CEP78: variants seen among roughly 807,000 people sequenced by gnomAD.
The protein encoded by CEP78 is centrosomal protein of 78 kDa.
Under a neutral mutation model 81.2 loss-of-function variants are expected in CEP78, and 76 were observed. The observed-to-expected ratio is 0.94, with a 90% CI of 0.78 to 1.13. The LOEUF is 1.13. CEP78 is among the 50% of genes most tolerant of loss of function. The pLI is 0.00. For synonymous variants in CEP78, 293 were observed against 301.4 expected (o/e 0.97, Z 0.29); for missense variants, 918 against 846.8 (o/e 1.08, Z -1.04).
rs1827812982 is a variant in CEP78, at chr9:78,276,749, A to ATC, written c.*5900_*5901dup. On this transcript the variant is annotated 3_prime_UTR_variant, in exon 17 of 17. Transcript: ENST00000643273. Reference sequence around the variant, plus strand: ...AAGGCCTATATAAATAAAAGGATAAATCTATGCTAGAGGGTATAAAAGAAA... The same window carrying ATC: ...AAGGCCTATATAAATAAAAGGATAAATCTCTATGCTAGAGGGTATAAAAGAAA... 6.6e-6 allele frequency: 1 copy of ATC among 152,206 alleles called. No individual in the cohort carries two copies. The highest frequency in any genetic ancestry group is 1.5e-5 in the Non-Finnish European group (1 of 68,030). 9.4% of individuals were successfully genotyped at this position (152,206 alleles called of 1,614,324 possible). A position where few individuals can be genotyped will look rare whatever the true frequency, so the allele number is the denominator to read the frequency against.
rs759284886 is a variant in CEP78 at position 78,265,503 on chromosome 9, A to G, written c.1757A>G (p.Glu586Gly). 5 of 1,581,588 alleles carry G rather than the reference A, an allele frequency of 3.2e-6. No homozygotes were observed. The highest frequency in any genetic ancestry group is 4.3e-6 in the Non-Finnish European group (5 of 1,163,196). Residue 586 changes from glutamate to glycine, a missense_variant, in exon 14 of 17, where the codon GAA (glutamate) becomes GGA (glycine). By Grantham distance (98) the Glu-to-Gly change is moderately conservative. Transcript: ENST00000643273. ...AAGGCGCTTGAAGATGAAAAACCAG[A>G]ACCGAAGCAGAATGCCCTAGGGCAA... ...EKKALEDEKP[E>G]PKQNALGQMQ...
chr9:78,238,331 G>A (rs998872707), intron 1 of CEP78, among the ~76,000 whole-genome samples: 2 of 152,158 alleles, frequency 1.3e-5, no homozygotes, highest in African/African-American at 2.4e-5. Flanking sequence ...TGTCTTTAAT[G>A]TTTTAAGAGG....
At chr9:78,250,735 G>T (rs1321540865) in intron 8 of CEP78, among the ~76,000 whole-genome samples, 1 of 151,882 alleles carries the variant, frequency 6.6e-6, no homozygotes, top group Non-Finnish European at 1.5e-5. Context: ...CGAGACTCTT[G>T]TCTCCAAAGA....
At chr9:78,242,391 T>G (rs4877148) in intron 4 of CEP78, among the ~76,000 whole-genome samples, 92,534 of 152,030 alleles carry the variant, frequency 0.61, 28,644 homozygotes, top group African/African-American at 0.7. Context: ...TAATGGTTAC[T>G]CATGTGGATT....
chr9:78,248,041 A>G (rs928693931), intron 6 of CEP78, among the ~76,000 whole-genome samples: 7 of 152,202 alleles, frequency 4.6e-5, no homozygotes, highest in Admixed American at 1.3e-4. Flanking sequence ...CTTTAGTTCC[A>G]AAGTGTTTAC....
intron 1 of CEP78, among the ~76,000 whole-genome samples, chr9:78,237,247 C>G (rs970469368): frequency 1.3e-5 from 2 of 152,008 alleles, no homozygotes; most frequent in African/African-American, 4.8e-5. Context: ...TTCCAAAGTG[C>G]TGGGATTACA....
At chr9:78,253,066 A>G (rs145992327) in intron 9 of CEP78, among the ~76,000 whole-genome samples, 166 bp from the exon 10 acceptor site, 1 of 152,252 alleles carries the variant, frequency 6.6e-6, no homozygotes, top group African/African-American at 2.4e-5. Flanking sequence ...TAAATTGTTC[A>G]ATTTTCTCCA....
intron 11 of CEP78, among the ~76,000 whole-genome samples, chr9:78,260,706 C>CAAA (rs1204270796): frequency 1.1e-3 from 58 of 53,092 alleles, no homozygotes; most frequent in African/African-American, 3.2e-3. Flanking sequence ...GACTCCATCT[C>CAAA]AAAAAAAAAA....
chr9:78,242,730 T>G (rs1349243501), intron 4 of CEP78, among the ~76,000 whole-genome samples: 3 of 152,196 alleles, frequency 2.0e-5, no homozygotes, highest in Admixed American at 6.5e-5. Context: ...TTTTTTTCTC[T>G]TAAAATCAGT....
chr9:78,257,363 G>C lies in CEP78; in HGVS notation c.1380+2399G>C, dbSNP rs191628369. On this transcript the variant is annotated intron_variant, in intron 11 of 16. Coordinates refer to ENST00000643273, the MANE Select transcript of CEP78 (RefSeq NM_001330691.3). ...CCAGCCAAACTGTCAATCTAAGTGG[G>C]GGCTGAATAGGACATTTTGGACCTC... is the stretch of plus-strand genomic sequence containing the variant. Among the ~76,000 whole-genome samples, 283 of 152,222 alleles carry C rather than the reference G, an allele frequency of 1.9e-3. 2 individuals carry two copies. The highest frequency in any genetic ancestry group is 6.3e-3 in the African/African-American group (262 of 41,530).
In CEP78 at chr9:78,266,539, A is replaced by C. The variant is rs371636739; in HGVS notation, c.1943A>C (p.Asn648Thr). 4 of 1,613,776 alleles carry C rather than the reference A, an allele frequency of 2.5e-6. No individual in the cohort carries two copies. The African/African-American group carries it at 5.3e-5, about 22-fold the overall frequency. The part of the protein sequence containing the change: ...TPEGLGTSSN[N>T]LGVPATEQRQ... Reference sequence around the variant, plus strand: ...GAGGGCTTAGGAACTTCCAGCAACAACCTAGGAGTCCCAGCTACTGAGCAG... The same window carrying C: ...GAGGGCTTAGGAACTTCCAGCAACACCCTAGGAGTCCCAGCTACTGAGCAG... The change falls in exon 16 of 17, where the codon AAC becomes ACC. Residue 648 changes from asparagine (N) to threonine (T), a missense_variant. Asn to Thr is a moderately conservative substitution (Grantham distance 65). Coordinates refer to ENST00000643273, the MANE Select transcript of CEP78 (RefSeq NM_001330691.3).
In CEP78 at chr9:78,236,194, T is replaced by TG; in HGVS notation, c.-156dup. ...CCGGCCTAGCTTGGGGCTCTGGCCT[T>TG]GCGTCTTCCGACCGAATCACCGCTC... On this transcript the variant is annotated 5_prime_UTR_variant, in exon 1 of 17. Transcript: ENST00000643273. The TG allele has an allele frequency of 1.5e-6, 1 of 651,678 alleles. No homozygotes were observed. The highest frequency in any genetic ancestry group is 2.5e-6 in the Non-Finnish European group (1 of 395,666). The allele number at this position is 651,678 out of a possible 1,614,324, so 40.4% of individuals were successfully genotyped here.
rs777299186 is a variant in CEP78, at chr9:78,264,100, G to C, written c.1459-50G>C. 10 of 1,253,614 alleles carry C rather than the reference G, an allele frequency of 8.0e-6. No homozygotes were observed. The African/African-American group carries it at 1.6e-4, about 20-fold the overall frequency. 77.7% of individuals were successfully genotyped at this position (1,253,614 alleles called of 1,614,324 possible). A position where few individuals can be genotyped will look rare whatever the true frequency, so the allele number is the denominator to read the frequency against. ...ATTTTAGTTTCATAAAAACTATTTT[G>C]GTGATAATGAGAGAAAATCATGTCA... is the stretch of plus-strand genomic sequence containing the variant. On this transcript the variant is annotated intron_variant, in intron 12 of 16. Coordinates refer to ENST00000643273, the MANE Select transcript of CEP78 (RefSeq NM_001330691.3).
chr9:78,255,090 A>C, intron 11 of CEP78, 126 bp downstream of exon 11: 151 of 638,032 alleles, frequency 2.4e-4, no homozygotes, highest in East Asian at 3.3e-4. Flanking sequence ...CTTCTATCTC[A>C]TATCCCTTGA....
In CEP78 at chr9:78,272,575, G is replaced by A. The variant is rs1827716706; in HGVS notation, c.*1724G>A. The A allele has an allele frequency of 2.6e-5, 4 of 152,124 alleles. No homozygotes were observed. The highest frequency in any genetic ancestry group is 7.2e-5 in the African/African-American group (3 of 41,414). 9.4% of individuals were successfully genotyped at this position (152,124 alleles called of 1,614,324 possible). Reference sequence around the variant, plus strand: ...TGTCCTAGATATTGTCTTATTCATGGGAAGGATACAGGTAGTGTTTGATTC... The same window carrying A: ...TGTCCTAGATATTGTCTTATTCATGAGAAGGATACAGGTAGTGTTTGATTC... On this transcript the variant is annotated 3_prime_UTR_variant, in exon 17 of 17. Transcript: ENST00000643273.
intron 15 of CEP78, 112 bp from the exon 16 acceptor site, chr9:78,266,330 A>G (rs922811664): frequency 2.1e-5 from 18 of 840,242 alleles, no homozygotes; most frequent in Non-Finnish European, 2.7e-5. Context: ...AATTAGGGCA[A>G]AAATGACCTG....
At chr9:78,268,129 G>C (rs1056745934) in intron 16 of CEP78, among the ~76,000 whole-genome samples, 10 of 152,094 alleles carry the variant, frequency 6.6e-5, no homozygotes, top group African/African-American at 2.4e-4. Flanking sequence ...AAAAGGAGGA[G>C]AGCAGTGGGG....
intron 11 of CEP78, among the ~76,000 whole-genome samples, chr9:78,257,191 A>G (rs1315514122): frequency 6.6e-6 from 1 of 152,190 alleles, no homozygotes; most frequent in Non-Finnish European, 1.5e-5. Context: ...ATACTGAGGA[A>G]AGAAAGAAAT....
chr9:78,239,991 A>C (rs1826143856), intron 1 of CEP78, 32 bp from the exon 2 acceptor site: 4 of 1,511,468 alleles, frequency 2.6e-6, no homozygotes, highest in Non-Finnish European at 3.5e-6. Flanking sequence ...TGTATGATTG[A>C]AGTCACTAAC....
Sources: allele counts gnomAD v4.1 joint callset (sites outside exome capture counted in the v4.1 genomes callset), GRCh38; gene constraint gnomAD v4.1.1; transcripts MANE v1.5; gene names NCBI Gene and HGNC (gene_info 2026-07-23, HGNC 2026-07-21).